BIRC6: variants seen among roughly 807,000 people sequenced by gnomAD.
BIRC6 encodes baculoviral IAP repeat containing 6.
A neutral mutation model predicts 503.3 loss-of-function variants in BIRC6; 98 were observed. The ratio of observed to expected loss-of-function variants is 0.19; its 90% CI spans 0.17 to 0.23. The LOEUF (loss-of-function observed/expected upper bound fraction) is 0.23. Ranked by LOEUF, BIRC6 falls within the 10% of genes least tolerant of loss-of-function variation. BIRC6 has a pLI of 1.00. For missense variants in BIRC6, 5,360 were observed against 5,806.0 expected (o/e 0.92, Z 2.50); for synonymous variants, 2,240 against 2,078.7 (o/e 1.08, Z -2.11).
rs889692069 is a variant in BIRC6 at position 32,445,590 on chromosome 2, C to G, written c.4406C>G (p.Ala1469Gly). 4 of 1,606,606 alleles carry G rather than the reference C, an allele frequency of 2.5e-6. No individual in the cohort carries two copies. The highest frequency in any genetic ancestry group is 3.4e-6 in the Non-Finnish European group (4 of 1,176,230). ...KDEDLAGCST[A>G]CASLLTAVSR... ...GAAGATCTGGCTGGATGCAGTACAGCTTGTGCATCTTTGCTTACTGCAGTG... is the reference window on the plus strand; with the variant it reads ...GAAGATCTGGCTGGATGCAGTACAGGTTGTGCATCTTTGCTTACTGCAGTG... Residue 1469 changes from alanine to glycine, a missense_variant, in exon 21 of 74, where the codon GCT becomes GGT. This residue lies in a region of BIRC6 where 2,299 missense variants were observed against 2,267.2 expected (regional missense o/e 1.01). Transcript: ENST00000421745.
chr2:32,388,799 C>T lies in BIRC6; in HGVS notation c.695C>T (p.Ala232Val). The T allele has an allele frequency of 6.2e-7, 1 of 1,611,732 alleles. No homozygotes were observed. The highest frequency in any genetic ancestry group is 8.5e-7 in the Non-Finnish European group (1 of 1,178,994). ...CCTCATCATGTGTTGAAGTCCATTG[C>T]CAGTGCCATTGTAAATGAACTCAAG... ...HLPHHVLKSIASAIVNELKKI... is the reference protein window; with the variant it reads ...HLPHHVLKSIVSAIVNELKKI... The change falls in exon 4 of 74, where the codon GCC becomes GTC. Residue 232 changes from alanine to valine, a missense_variant. Physicochemically the swap from Ala to Val is moderately conservative, Grantham distance 64 (BLOSUM62 0). This residue lies in a region of BIRC6 where 134 missense variants were observed against 150.9 expected (regional missense o/e 0.89). Transcript: ENST00000421745.
chr2:32,551,607 A>G (rs1217499983), intron 65 of BIRC6, among the ~76,000 whole-genome samples: 3 of 152,178 alleles, frequency 2.0e-5, no homozygotes, highest in African/African-American at 4.8e-5. Context: ...AAACCTGAAC[A>G]AATTATCTAG....
At chr2:32,431,930 G>A (rs1390612752) in intron 12 of BIRC6, among the ~76,000 whole-genome samples, 1 of 152,200 alleles carries the variant, frequency 6.6e-6, no homozygotes, top group African/African-American at 2.4e-5. Flanking sequence ...GCATGTAAGA[G>A]TGAGAGAGTG....
chr2:32,367,624 T>C (rs1027473282), intron 1 of BIRC6, among the ~76,000 whole-genome samples: 1 of 152,060 alleles, frequency 6.6e-6, no homozygotes, highest in Non-Finnish European at 1.5e-5. Context: ...GAGACCAGCC[T>C]GGCCAACTTG....
At chr2:32,582,916 A>G (rs2060779895) in intron 66 of BIRC6, among the ~76,000 whole-genome samples, 1 of 152,224 alleles carries the variant, frequency 6.6e-6, no homozygotes, top group Non-Finnish European at 1.5e-5. Flanking sequence ...TATATATAAT[A>G]TCTCTAATAT....
intron 61 of BIRC6, among the ~76,000 whole-genome samples, chr2:32,535,770 G>C (rs2057181014): frequency 6.6e-6 from 1 of 152,160 alleles, no homozygotes; most frequent in African/African-American, 2.4e-5. Context: ...AAACATACGT[G>C]TGCATGTGTC....
chr2:32,514,960 A>C (rs1354610170), intron 54 of BIRC6, 30 bp from the exon 55 acceptor site: 1 of 1,509,352 alleles, frequency 6.6e-7, no homozygotes, highest in Non-Finnish European at 9.1e-7. Context: ...ATATACTTGT[A>C]TCATTAATAT....
chr2:32,438,569 T>C lies in BIRC6; in HGVS notation c.3632-939T>C, dbSNP rs192343660. 7.8e-3 allele frequency among the ~76,000 whole-genome samples: 1,174 copies of C among 149,876 alleles called. 13 individuals carry two copies. The highest frequency in any genetic ancestry group is 0.027 in the African/African-American group (1,115 of 40,770). ...ATTATTTGAGTGTTCTTTTTTTTTT[T>C]TTTTTTTTGAGACGGAGTCTTGCTC... On this transcript the variant is annotated intron_variant, in intron 15 of 73. Transcript: ENST00000421745.
chr2:32,452,068 T>G (rs2046789896), intron 22 of BIRC6, among the ~76,000 whole-genome samples: 1 of 152,234 alleles, frequency 6.6e-6, no homozygotes, highest in African/African-American at 2.4e-5. Context: ...GATACCACAT[T>G]GTAACCTTTA....
chr2:32,487,863 A>G (rs910549165), intron 41 of BIRC6, 62 bp downstream of exon 41: 2 of 1,399,820 alleles, frequency 1.4e-6, no homozygotes, highest in Non-Finnish European at 2.0e-6. Context: ...AAAAGATGAA[A>G]CTAATTGGGA....
chr2:32,365,355 T>G (rs559916623), intron 1 of BIRC6, among the ~76,000 whole-genome samples: 1 of 146,128 alleles, frequency 6.8e-6, no homozygotes, highest in South Asian at 2.1e-4. Flanking sequence ...GAGGTCGCCC[T>G]GTCGCCCAGG....
In BIRC6 at chr2:32,377,568, A is replaced by G. The variant is rs778951156; in HGVS notation, c.326-20A>G. The G allele has an allele frequency of 1.3e-6, 2 of 1,581,276 alleles. No individual in the cohort carries two copies. The highest frequency in any genetic ancestry group is 2.3e-5 in the South Asian group (2 of 86,052). On this transcript the variant is annotated intron_variant, in intron 1 of 73. Transcript: ENST00000421745. ...ATTGGCCTGAAAATCTTAAGTGTTG[A>G]ATTTTTGTTCTTTTAACAGCTAAAC... is the stretch of plus-strand genomic sequence containing the variant.
At position 32,426,795 on chromosome 2, in the gene BIRC6, GCTTT is replaced by G. The variant is rs375585719; in HGVS notation, c.2873-2346_2873-2343del. On this transcript the variant is annotated intron_variant, in intron 10 of 73. Coordinates refer to ENST00000421745, the MANE Select transcript of BIRC6 (RefSeq NM_016252.4). ...TCCTCTTAAAGGGGCTTTCTTTGGG[GCTTT>G]CTTTGTTACTTATCATAAGGCAGGT... Among the ~76,000 whole-genome samples the G allele has an allele frequency of 1.1e-3, 162 of 152,208 alleles. 1 individual carries two copies. Among genetic ancestry groups the G allele is most frequent in the African/African-American group, 3.9e-3 (160 of 41,550 alleles).
intron 4 of BIRC6, among the ~76,000 whole-genome samples, chr2:32,389,596 G>A (rs1363542458): frequency 6.6e-6 from 1 of 152,164 alleles, no homozygotes; most frequent in Non-Finnish European, 1.5e-5. Flanking sequence ...TTGAAATGAC[G>A]ATTGAGGTTC....
chr2:32,531,433 A>T lies in BIRC6; in HGVS notation c.12173A>T (p.Asp4058Val). 6.2e-7 allele frequency: 1 copy of T among 1,613,920 alleles called. No individual in the cohort carries two copies. Among genetic ancestry groups the T allele is most frequent in the Non-Finnish European group, 8.5e-7 (1 of 1,179,836 alleles). The change falls in exon 61 of 74, where the codon GAT (aspartate) becomes GTT (valine). Residue 4058 changes from aspartate (D) to valine (V), a missense_variant. This residue lies in a region of BIRC6 where 878 missense variants were observed against 928.9 expected (regional missense o/e 0.95). Transcript: ENST00000421745. ...PGDECMDGIL[D>V]ESLLETCPIQ... is the part of the protein sequence containing the mutation. ...GATGAATGCATGGATGGGATACTGG[A>T]TGAATCTTTGCTTGAAACCTGTCCA...
At chr2:32,550,709 C>G (rs1221215975) in intron 65 of BIRC6, among the ~76,000 whole-genome samples, 4 of 151,964 alleles carry the variant, frequency 2.6e-5, no homozygotes, top group South Asian at 4.1e-4. Flanking sequence ...GAAATTGACT[C>G]TCTTATAACA....
intron 66 of BIRC6, among the ~76,000 whole-genome samples, chr2:32,585,816 T>G (rs1252934890): frequency 1.3e-5 from 2 of 152,208 alleles, no homozygotes; most frequent in Admixed American, 6.5e-5. Flanking sequence ...TATAAGAATA[T>G]AAGGAGTTAA....
At chr2:32,407,932 A>G (rs987409702) in intron 9 of BIRC6, among the ~76,000 whole-genome samples, 1 of 152,110 alleles carries the variant, frequency 6.6e-6, no homozygotes, top group East Asian at 1.9e-4. Flanking sequence ...TTGCAAAAAC[A>G]TAAGAGGTTA....
chr2:32,508,317 G>C, intron 51 of BIRC6, 58 bp downstream of exon 51: 1 of 1,419,596 alleles, frequency 7.0e-7, no homozygotes, highest in Non-Finnish European at 9.1e-7. Context: ...ATGGTTGGGA[G>C]ATAGGGGACT....
Sources: gnomAD v4.1 joint callset for allele counts (sites outside exome capture counted in the v4.1 genomes callset) on GRCh38, gnomAD v4.1.1 for gene constraint, gnomAD v4.1.1 regional missense constraint, MANE v1.5 for transcripts, NCBI Gene and HGNC (gene_info 2026-07-23, HGNC 2026-07-21) for gene names.